TEAD1: variants seen among roughly 807,000 people sequenced by gnomAD.
TEAD1 encodes the protein TEA domain transcription factor 1, also known as transcriptional enhancer factor TEF-1.
In TEAD1, 9 loss-of-function variants were observed where a neutral mutation model predicts 54.9. That is an observed-to-expected ratio of 0.16 (90% CI 0.10 to 0.29). The LOEUF is 0.29. Among genes scored for constraint, TEAD1 ranks in the 10% least tolerant of loss-of-function variants. TEAD1 has a pLI of 1.00. For synonymous variants in TEAD1, 200 were observed against 187.8 expected, an observed-to-expected ratio of 1.07 and a Z score of -0.53; for missense variants, 387 against 535.9, an observed-to-expected ratio of 0.72 and a Z score of 2.74.
intron 2 of TEAD1, among the ~76,000 whole-genome samples, chr11:12,713,789 C>T (rs371907341): frequency 1.3e-5 from 2 of 152,186 alleles, no homozygotes; most frequent in Non-Finnish European, 2.9e-5. Context: ...TCCACTCCGC[C>T]GTCCTTTGCG....
chr11:12,784,949 G>A (rs1471779630), intron 3 of TEAD1, among the ~76,000 whole-genome samples: 4 of 152,210 alleles, frequency 2.6e-5, no homozygotes, highest in African/African-American at 9.7e-5. Flanking sequence ...TTTGAAATCT[G>A]CTCCAGCTTG....
chr11:12,859,884 A>G (rs1225193269), intron 3 of TEAD1, among the ~76,000 whole-genome samples: 5 of 152,216 alleles, frequency 3.3e-5, no homozygotes, highest in Admixed American at 2.6e-4. Context: ...AAGTTGGCAT[A>G]TATTGATAAT....
At chr11:12,878,865 CAA>C in intron 5 of TEAD1, 1 of 1,271,874 alleles carries the variant, frequency 7.9e-7, no homozygotes, top group African/African-American at 1.5e-5. Context: ...ATCCTTTTAA[CAA>C]ATTGTTTATT....
chr11:12,898,712 T>C (rs111879606), intron 9 of TEAD1, among the ~76,000 whole-genome samples: 209 of 152,326 alleles, frequency 1.4e-3, no homozygotes, highest in Middle Eastern at 6.8e-3. Context: ...ACATTTCTTA[T>C]ATGGCAGGTC....
chr11:12,900,741 G>A (rs1948412821), intron 9 of TEAD1, among the ~76,000 whole-genome samples: 2 of 152,036 alleles, frequency 1.3e-5, no homozygotes, highest in Non-Finnish European at 2.9e-5. Context: ...TCTGTTAGTT[G>A]GGACTTCCTG....
intron 10 of TEAD1, among the ~76,000 whole-genome samples, chr11:12,908,001 G>A (rs1182018654): frequency 1.3e-5 from 2 of 152,152 alleles, no homozygotes; most frequent in Non-Finnish European, 2.9e-5. Context: ...GCTCTGGTGT[G>A]TTTACATGGG....
At chr11:12,760,961 T>C (rs1945091103) in intron 2 of TEAD1, among the ~76,000 whole-genome samples, 1 of 152,214 alleles carries the variant, frequency 6.6e-6, no homozygotes, top group African/African-American at 2.4e-5. Flanking sequence ...TGTATAACTC[T>C]GTGGATTATG....
intron 3 of TEAD1, chr11:12,828,105 C>T (rs995897244): frequency 2.6e-5 from 4 of 152,184 alleles, no homozygotes; most frequent in African/African-American, 4.8e-5. Context: ...TGTTTGCCTG[C>T]ATCCTGATTG....
intron 3 of TEAD1, among the ~76,000 whole-genome samples, chr11:12,765,109 C>T (rs1025766666): frequency 6.6e-6 from 1 of 152,044 alleles, no homozygotes; most frequent in African/African-American, 2.4e-5. Context: ...CCTTGAAAGG[C>T]ATTCTGAAGG....
At chr11:12,930,836 A>G (rs1208656083) in intron 12 of TEAD1, among the ~76,000 whole-genome samples, 2 of 152,236 alleles carry the variant, frequency 1.3e-5, no homozygotes, top group Non-Finnish European at 2.9e-5. Flanking sequence ...TCCATGATGG[A>G]CTTCCAAGGC....
chr11:12,923,424 C>G (rs1948849383), intron 10 of TEAD1, among the ~76,000 whole-genome samples: 1 of 152,166 alleles, frequency 6.6e-6, no homozygotes, highest in African/African-American at 2.4e-5. Flanking sequence ...CCCCCCGTAC[C>G]TCTCTCCCTG....
chr11:12,893,073 C>A (rs998827425), intron 9 of TEAD1, among the ~76,000 whole-genome samples: 1 of 152,186 alleles, frequency 6.6e-6, no homozygotes, highest in African/African-American at 2.4e-5. Flanking sequence ...CCACTCAGCT[C>A]AAAAATAGCA....
intron 2 of TEAD1, among the ~76,000 whole-genome samples, chr11:12,761,055 G>A (rs1010261049): frequency 2.0e-5 from 3 of 152,182 alleles, no homozygotes; most frequent in Middle Eastern, 3.2e-3. Context: ...ACGAAAAATG[G>A]CAAGAGTCTG....
At chr11:12,837,038 C>T (rs762147027) in intron 3 of TEAD1, among the ~76,000 whole-genome samples, 2 of 152,164 alleles carry the variant, frequency 1.3e-5, no homozygotes, top group Admixed American at 6.5e-5. Context: ...TCAAGCCCAG[C>T]AAACTCATAT....
chr11:12,709,076 G>T (rs915659853), intron 2 of TEAD1, among the ~76,000 whole-genome samples: 1 of 152,162 alleles, frequency 6.6e-6, no homozygotes, highest in Non-Finnish European at 1.5e-5. Flanking sequence ...GGTAGCTCAT[G>T]CCTGTAATCC....
At chr11:12,727,632 A>G (rs1311765540) in intron 2 of TEAD1, among the ~76,000 whole-genome samples, 2 of 152,236 alleles carry the variant, frequency 1.3e-5, no homozygotes, top group African/African-American at 4.8e-5. Flanking sequence ...GTATACCGAT[A>G]GTTCAAAAGA....
At chr11:12,723,704 G>A (rs1944258189) in intron 2 of TEAD1, among the ~76,000 whole-genome samples, 1 of 152,168 alleles carries the variant, frequency 6.6e-6, no homozygotes, top group Admixed American at 6.5e-5. Context: ...TTTTAGTCAT[G>A]CTCCTTCAAC....
At chr11:12,893,149 G>A (rs996546981) in intron 9 of TEAD1, among the ~76,000 whole-genome samples, 2 of 152,242 alleles carry the variant, frequency 1.3e-5, no homozygotes, top group African/African-American at 4.8e-5. Flanking sequence ...TAAGTGGTCG[G>A]AAAGTACATT....
intron 2 of TEAD1, among the ~76,000 whole-genome samples, chr11:12,745,533 C>T (rs1944729731): frequency 6.7e-6 from 1 of 150,058 alleles, no homozygotes; most frequent in Non-Finnish European, 1.5e-5. Flanking sequence ...GAATCGCTGC[C>T]TGTCTGCATG....
Sources: allele counts gnomAD v4.1 joint callset (sites outside exome capture counted in the v4.1 genomes callset), GRCh38; gene constraint gnomAD v4.1.1; transcripts MANE v1.5; gene names NCBI Gene and HGNC (gene_info 2026-07-23, HGNC 2026-07-21).